ARAP2: variants seen among roughly 807,000 people sequenced by gnomAD.
The protein encoded by ARAP2 is arf-GAP with Rho-GAP domain, ANK repeat and PH domain-containing protein 2.
ARAP2 carries 148 observed loss-of-function variants against 194.5 expected under a neutral mutation model. The ratio of observed to expected loss-of-function variants is 0.76; its 90% CI spans 0.67 to 0.87. The LOEUF is 0.87. ARAP2 is among the 40% of genes least tolerant of loss of function. ARAP2 has a pLI of 0.00. For missense variants in ARAP2, 2,128 were observed against 1,989.7 expected (o/e 1.07, Z -1.32); for synonymous variants, 695 against 683.5 (o/e 1.02, Z -0.26).
At chr4:36,172,384 A>G (rs1426820586) in intron 9 of ARAP2, among the ~76,000 whole-genome samples, 7 of 152,246 alleles carry the variant, frequency 4.6e-5, no homozygotes, top group African/African-American at 1.4e-4. Flanking sequence ...AAGAGTAAAT[A>G]AAGCAACATA....
chr4:36,065,964 A>T (rs1050248308), downstream of ARAP2: 9 of 152,392 alleles, frequency 5.9e-5, no homozygotes, highest in African/African-American at 2.2e-4. Flanking sequence ...TTTCACAATA[A>T]CAACCTTCAA....
intron 28 of ARAP2, among the ~76,000 whole-genome samples, chr4:36,090,626 T>C (rs1484594461): frequency 1.3e-5 from 2 of 152,092 alleles, no homozygotes; most frequent in Non-Finnish European, 2.9e-5. Context: ...TGGATAGAAC[T>C]GGAGGCCATT....
In ARAP2 at chr4:36,229,389, G is replaced by A. The variant is rs1206848551; in HGVS notation, c.98C>T (p.Thr33Ile). 1.2e-6 allele frequency: 2 copies of A among 1,614,018 alleles called. No homozygotes were observed. The highest frequency in any genetic ancestry group is 1.7e-6 in the Non-Finnish European group (2 of 1,179,954). ...TATTGCTGCACAGTCCTTCACAGTA[G>A]TAAAACCAGACTCATGGAAATGTAA... ...YLLHFHESGF[T>I]TVKDCAAIND... Residue 33 changes from threonine to isoleucine, a missense_variant, in exon 2 of 33, where the codon ACT becomes ATT. Thr to Ile is a moderately conservative substitution (Grantham distance 89, BLOSUM62 -1). Transcript: ENST00000303965.
chr4:36,043,838 G>GGCAA (rs1560311581), intron 5 of ARAP2, among the ~76,000 whole-genome samples: 2 of 51,038 alleles, frequency 3.9e-5, no homozygotes, highest in Non-Finnish European at 7.9e-5. Context: ...GGGGAGGGGA[G>GGCAA]GGGAGGGGGG....
intron 5 of ARAP2, among the ~76,000 whole-genome samples, chr4:36,031,372 G>A (rs1718920582): frequency 6.6e-6 from 1 of 152,098 alleles, no homozygotes; most frequent in Admixed American, 6.5e-5. Context: ...GCAATCGAAT[G>A]CCTTCTTATA....
intron 31 of ARAP2, among the ~76,000 whole-genome samples, chr4:36,076,801 T>C (rs190974608): frequency 6.6e-6 from 1 of 152,108 alleles, no homozygotes; most frequent in Admixed American, 6.6e-5. Flanking sequence ...AGCATACATA[T>C]CTGTGTATCT....
chr4:36,128,477 T>TATAC (rs1553912784), intron 21 of ARAP2, 56 bp downstream of exon 21: 2 of 946,100 alleles, frequency 2.1e-6, no homozygotes, highest in Non-Finnish European at 3.3e-6. Context: ...GTCTATATTA[T>TATAC]ACACACACAC....
rs188443474 is a variant in ARAP2, at chr4:36,024,218, C to T, written n.608-4932G>A. On this transcript the variant is annotated intron_variant and non_coding_transcript_variant, in intron 5 of 12. Transcript: ENST00000503225. Reference sequence around the variant, plus strand: ...AGCATGGAAATCAGATGATCTTCACCTTCCAAAAGTTGATCAAGTCACAAC... The same window carrying T: ...AGCATGGAAATCAGATGATCTTCACTTTCCAAAAGTTGATCAAGTCACAAC... Among the ~76,000 whole-genome samples, 72 of 152,184 alleles carry T rather than the reference C, an allele frequency of 4.7e-4. 2 individuals carry two copies. The highest frequency in any genetic ancestry group is 4.3e-3 in the Admixed American group (66 of 15,254).
intron 26 of ARAP2, among the ~76,000 whole-genome samples, chr4:36,109,350 C>G (rs1719236569): frequency 6.6e-6 from 1 of 151,850 alleles, no homozygotes; most frequent in South Asian, 2.1e-4. Context: ...ATCTTGTTTA[C>G]TATTATATAT....
At chr4:36,030,438 T>A (rs1015279647) in intron 5 of ARAP2, among the ~76,000 whole-genome samples, 2 of 152,122 alleles carry the variant, frequency 1.3e-5, no homozygotes, top group Non-Finnish European at 2.9e-5. Context: ...TTTTTATATA[T>A]AATTATAGAC....
At chr4:36,058,839 G>A (rs1375558645) in intron 1 of ARAP2, among the ~76,000 whole-genome samples, 1 of 152,090 alleles carries the variant, frequency 6.6e-6, no homozygotes, top group Non-Finnish European at 1.5e-5. Context: ...ATTATCAGGT[G>A]GTGATAAGCC....
intron 27 of ARAP2, among the ~76,000 whole-genome samples, chr4:36,102,334 C>A (rs556558835): frequency 1.3e-5 from 2 of 152,104 alleles, no homozygotes; most frequent in East Asian, 3.9e-4. Context: ...AACTACAATC[C>A]AGCTTTCATG....
At chr4:36,083,741 G>A (rs1372884361) in intron 28 of ARAP2, among the ~76,000 whole-genome samples, 2 of 152,048 alleles carry the variant, frequency 1.3e-5, no homozygotes, top group East Asian at 1.9e-4. Context: ...AAACACTTGA[G>A]GTCAGATGTG....
At chr4:36,140,216 C>G (rs2109660418) in intron 19 of ARAP2, among the ~76,000 whole-genome samples, 1 of 149,634 alleles carries the variant, frequency 6.7e-6, no homozygotes, top group African/African-American at 2.4e-5. Flanking sequence ...CATTTTTTCC[C>G]CATCATATCA....
chr4:36,136,961 T>C (rs915946652), intron 19 of ARAP2, among the ~76,000 whole-genome samples: 7 of 150,836 alleles, frequency 4.6e-5, no homozygotes, highest in Non-Finnish European at 8.9e-5. Context: ...CACACACATA[T>C]ACACGTATAT....
intron 7 of ARAP2, among the ~76,000 whole-genome samples, chr4:36,191,496 T>C (rs1381026682): frequency 6.6e-6 from 1 of 151,346 alleles, no homozygotes; most frequent in Non-Finnish European, 1.5e-5. Flanking sequence ...CAGAATGTTG[T>C]AGTTTATCTA....
chr4:36,075,814 C>A (rs1382090791), intron 31 of ARAP2, among the ~76,000 whole-genome samples: 2 of 152,112 alleles, frequency 1.3e-5, no homozygotes, highest in African/African-American at 2.4e-5. Context: ...TGATGGAGGA[C>A]AAAAACAAAT....
chr4:36,110,393 C>T (rs1011589395), intron 26 of ARAP2, among the ~76,000 whole-genome samples: 1 of 151,838 alleles, frequency 6.6e-6, no homozygotes, highest in Non-Finnish European at 1.5e-5. Context: ...ATAAGACCAT[C>T]TTTTTCTGAT....
chr4:36,104,630 A>T (rs1157897166), intron 27 of ARAP2, among the ~76,000 whole-genome samples: 3 of 152,018 alleles, frequency 2.0e-5, no homozygotes, highest in Non-Finnish European at 4.4e-5. Flanking sequence ...TTGATTTTTT[A>T]AAAATATTAC....
Sources: gnomAD v4.1 joint callset for allele counts (sites outside exome capture counted in the v4.1 genomes callset) on GRCh38, gnomAD v4.1.1 for gene constraint, MANE v1.5 for transcripts, NCBI Gene and HGNC (gene_info 2026-07-23, HGNC 2026-07-21) for gene names.